CPXM2: variants seen among roughly 807,000 people sequenced by gnomAD.
CPXM2 encodes carboxypeptidase X, M14 family member 2.
In CPXM2, 66 loss-of-function variants were observed where a neutral mutation model predicts 86.1. The observed-to-expected ratio is 0.77, with a 90% CI of 0.63 to 0.94. The LOEUF (loss-of-function observed/expected upper bound fraction) is 0.94, where lower values mean the gene tolerates loss of function less well. CPXM2 is among the 40% of genes least tolerant of loss of function. The probability of loss-of-function intolerance (pLI) is 0.00; values close to 1 mark genes in which losing one functional copy is unlikely to be tolerated. For missense variants in CPXM2, 948 were observed against 1,026.3 expected, an observed-to-expected ratio of 0.92 and a Z score of 1.04; for synonymous variants, 388 against 400.2, an observed-to-expected ratio of 0.97 and a Z score of 0.36.
intron 2 of CPXM2, among the ~76,000 whole-genome samples, chr10:123,933,876 C>T (rs1225038348): frequency 6.6e-6 from 1 of 152,096 alleles, no homozygotes; most frequent in Non-Finnish European, 1.5e-5. Flanking sequence ...TCTGAATCTC[C>T]CTCTTAAGAG....
chr10:123,930,684 G>A (rs1051724914), intron 2 of CPXM2, among the ~76,000 whole-genome samples: 1 of 152,246 alleles, frequency 6.6e-6, no homozygotes, highest in Non-Finnish European at 1.5e-5. Context: ...ACTCCTGAGA[G>A]CTGCCATGTG....
chr10:123,939,807 C>T (rs1029630997), intron 1 of CPXM2, among the ~76,000 whole-genome samples: 18 of 152,182 alleles, frequency 1.2e-4, no homozygotes, highest in Non-Finnish European at 1.9e-4. Context: ...AGAGCCTGGG[C>T]GCACCCCAGA....
chr10:123,761,774 G>A, intron 11 of CPXM2, 98 bp downstream of exon 11: 2 of 1,242,552 alleles, frequency 1.6e-6, no homozygotes, highest in South Asian at 1.3e-5. Flanking sequence ...CCACCACTTA[G>A]TGACAACAGG....
chr10:123,746,539 T>G lies in CPXM2; in HGVS notation c.*225A>C. ...CTGAGTTCTCTCACTCCCATCAGCT[T>G]TTCTCTGCTGCTCTGTCCAAGTTAT... On this transcript the variant is annotated 3_prime_UTR_variant, in exon 14 of 14. Transcript: ENST00000241305. 1 of 573,380 alleles carries G rather than the reference T, an allele frequency of 1.7e-6. No individual in the cohort carries two copies. The highest frequency in any genetic ancestry group is 3.1e-6 in the Non-Finnish European group (1 of 325,716). The allele number at this position is 573,380 out of a possible 1,614,324, so 35.5% of individuals were successfully genotyped here.
intron 4 of CPXM2, among the ~76,000 whole-genome samples, chr10:123,816,311 C>T (rs887403266): frequency 6.6e-6 from 1 of 152,162 alleles, no homozygotes; most frequent in African/African-American, 2.4e-5. Flanking sequence ...CTGGCAGAAC[C>T]CCCACATTGG....
chr10:123,870,348 A>C (rs1944871771), intron 2 of CPXM2, among the ~76,000 whole-genome samples: 2 of 152,232 alleles, frequency 1.3e-5, no homozygotes, highest in African/African-American at 4.8e-5. Flanking sequence ...CCCCGCTGGC[A>C]GAGCAGAGCT....
intron 4 of CPXM2, among the ~76,000 whole-genome samples, chr10:123,810,942 G>C (rs960828422): frequency 6.6e-6 from 1 of 152,012 alleles, no homozygotes; most frequent in Non-Finnish European, 1.5e-5. Context: ...TGTATGAATA[G>C]ACAAATTTAT....
intron 8 of CPXM2, 60 bp downstream of exon 8, chr10:123,770,856 A>G (rs972022118): frequency 2.6e-6 from 4 of 1,523,880 alleles, no homozygotes; most frequent in Non-Finnish European, 2.7e-6. Context: ...ACAGTCTCCT[A>G]ACTGTTTACA....
upstream of CPXM2, among the ~76,000 whole-genome samples, chr10:123,892,727 C>T (rs1361288778): frequency 1.3e-5 from 2 of 152,180 alleles, no homozygotes; most frequent in Admixed American, 6.5e-5. Flanking sequence ...GAGCCTCTGG[C>T]GAAAAGTCCA....
chr10:123,796,966 T>C lies in CPXM2; in HGVS notation c.889+1010A>G, dbSNP rs182418012. ...GGTGATCTCAGGCCAGCCACCTTCT[T>C]TGGAGATGTGTGGTCAGGATGAAGA... is the stretch of plus-strand genomic sequence containing the variant. On this transcript the variant is annotated intron_variant, in intron 6 of 13. Coordinates refer to ENST00000241305, the MANE Select transcript of CPXM2 (RefSeq NM_198148.3). Among the ~76,000 whole-genome samples the C allele has an allele frequency of 5.3e-4, 80 of 152,336 alleles. No homozygotes were observed. In the East Asian group the frequency reaches 0.014, roughly 26 times the overall value.
intron 2 of CPXM2, among the ~76,000 whole-genome samples, chr10:123,905,982 C>T (rs1284501323): frequency 4.6e-5 from 7 of 152,328 alleles, no homozygotes; most frequent in African/African-American, 4.8e-5. Flanking sequence ...CACCTCCCGA[C>T]GGTCTGTCCA....
At chr10:123,779,707 C>G (rs780190348) in intron 7 of CPXM2, among the ~76,000 whole-genome samples, 2 of 152,070 alleles carry the variant, frequency 1.3e-5, no homozygotes, top group Non-Finnish European at 2.9e-5. Context: ...TGCTGTTTTC[C>G]CATCTGTAGA....
intron 2 of CPXM2, among the ~76,000 whole-genome samples, chr10:123,935,127 G>A (rs752480360): frequency 2.0e-5 from 3 of 152,122 alleles, no homozygotes; most frequent in Non-Finnish European, 2.9e-5. Flanking sequence ...GACAATCAGG[G>A]CAAAGGCCTG....
intron 1 of CPXM2, among the ~76,000 whole-genome samples, chr10:123,884,220 G>A (rs1945143303): frequency 1.3e-5 from 2 of 152,140 alleles, no homozygotes; most frequent in Admixed American, 6.5e-5. Context: ...TTCTGCTTAA[G>A]GAACCCACAT....
At chr10:123,929,501 A>G (rs1408782138) in intron 2 of CPXM2, among the ~76,000 whole-genome samples, 1 of 152,214 alleles carries the variant, frequency 6.6e-6, no homozygotes, top group Non-Finnish European at 1.5e-5. Flanking sequence ...GGAGCTACAA[A>G]CAAGGCTAGG....
At chr10:123,749,064 G>T (rs937638679) in intron 13 of CPXM2, among the ~76,000 whole-genome samples, 3 of 152,222 alleles carry the variant, frequency 2.0e-5, no homozygotes, top group African/African-American at 7.2e-5. Flanking sequence ...GGGCTGGAGA[G>T]AAGTGAGCAA....
At chr10:123,817,206 G>C (rs1316196609) in intron 4 of CPXM2, among the ~76,000 whole-genome samples, 1 of 152,146 alleles carries the variant, frequency 6.6e-6, no homozygotes, top group Non-Finnish European at 1.5e-5. Context: ...TTTTTAGTGG[G>C]ATCCAGAACA....
chr10:123,924,069 AAG>A (rs1334023305), intron 2 of CPXM2, among the ~76,000 whole-genome samples: 1 of 152,214 alleles, frequency 6.6e-6, no homozygotes, highest in East Asian at 1.9e-4. Flanking sequence ...TATAAGTAAA[AAG>A]GGAAAAACAC....
chr10:123,907,078 G>A (rs542955266), intron 2 of CPXM2, among the ~76,000 whole-genome samples: 6 of 152,326 alleles, frequency 3.9e-5, no homozygotes, highest in East Asian at 1.9e-4. Context: ...CACGAAGCAC[G>A]GTGTGTGCAT....
Sources: gnomAD v4.1 joint callset for allele counts (sites outside exome capture counted in the v4.1 genomes callset) on GRCh38, gnomAD v4.1.1 for gene constraint, MANE v1.5 for transcripts, NCBI Gene and HGNC (gene_info 2026-07-23, HGNC 2026-07-21) for gene names.